TRAPPC8: variants seen among roughly 807,000 people sequenced by gnomAD.
TRAPPC8 encodes trafficking protein particle complex subunit 8.
Under a neutral mutation model 174.3 loss-of-function variants are expected in TRAPPC8, and 54 were observed. The ratio of observed to expected loss-of-function variants is 0.31; its 90% CI spans 0.25 to 0.39. TRAPPC8 has a LOEUF of 0.39. Among genes scored for constraint, TRAPPC8 ranks in the 10% least tolerant of loss-of-function variants. The pLI is 1.00. For missense variants in TRAPPC8, 1,531 were observed against 1,699.1 expected (o/e 0.90, Z 1.74); for synonymous variants, 630 against 579.9 (o/e 1.09, Z -1.24).
chr18:31,902,832 G>A lies in TRAPPC8; in HGVS notation c.1390-1807C>T, dbSNP rs149787785. Among the ~76,000 whole-genome samples, 447 of 152,052 alleles carry A rather than the reference G, an allele frequency of 2.9e-3. 2 individuals carry two copies. The highest frequency in any genetic ancestry group is 9.8e-3 in the African/African-American group (407 of 41,488). ...TGGGAGGCCGAGGCGGGCGGATCACGATGTCAGGATATCGAGACCATCCTG... is the reference window on the plus strand; with the variant it reads ...TGGGAGGCCGAGGCGGGCGGATCACAATGTCAGGATATCGAGACCATCCTG... On this transcript the variant is annotated intron_variant, in intron 9 of 28. Coordinates refer to ENST00000283351, the MANE Select transcript of TRAPPC8 (RefSeq NM_014939.5).
In TRAPPC8 at chr18:31,907,621, A is replaced by G. The variant is rs754771463; in HGVS notation, c.1239-11T>C. The G allele has an allele frequency of 3.2e-6, 5 of 1,581,022 alleles. No homozygotes were observed. The African/African-American group carries it at 4.1e-5, about 13-fold the overall frequency. On this transcript the variant is annotated splice_polypyrimidine_tract_variant and intron_variant, in intron 8 of 28. Transcript: ENST00000283351. ...GCTTCCGGCGGATACCTGTAAATAC[A>G]AAAGAAAATAATTTATAATTTATTA...
intron 27 of TRAPPC8, among the ~76,000 whole-genome samples, chr18:31,834,772 ATTCT>A (rs575467623): frequency 6.6e-6 from 1 of 152,046 alleles, no homozygotes; most frequent in Non-Finnish European, 1.5e-5. Context: ...CCTGTCACCT[ATTCT>A]TTCTTCTATT....
At chr18:31,886,347 A>G (rs901918774) in intron 12 of TRAPPC8, among the ~76,000 whole-genome samples, 2 of 77,980 alleles carry the variant, frequency 2.6e-5, no homozygotes, top group Non-Finnish European at 5.7e-5. Flanking sequence ...TTCTTGAGGA[A>G]AAAAAAAAAA....
At chr18:31,880,081 G>GGAAAAA (rs1491132140) in intron 12 of TRAPPC8, among the ~76,000 whole-genome samples, 4 of 52,728 alleles carry the variant, frequency 7.6e-5, no homozygotes, top group African/African-American at 2.8e-4. Flanking sequence ...TGAAACTATT[G>GGAAAAA]AAAAAAAAAA....
At chr18:31,892,018 T>C (rs930809139) in intron 11 of TRAPPC8, among the ~76,000 whole-genome samples, 1 of 152,212 alleles carries the variant, frequency 6.6e-6, no homozygotes, top group South Asian at 2.1e-4. Context: ...GTCAGAAATA[T>C]GTAATTAATG....
intron 19 of TRAPPC8, among the ~76,000 whole-genome samples, chr18:31,861,276 C>A (rs2034307318): frequency 6.6e-6 from 1 of 152,122 alleles, no homozygotes; most frequent in Non-Finnish European, 1.5e-5. Context: ...GAATAAGAGG[C>A]CCTCTGCTCT....
chr18:31,849,491 AAT>A, intron 25 of TRAPPC8, 73 bp downstream of exon 25: 1 of 1,204,978 alleles, frequency 8.3e-7, no homozygotes, highest in East Asian at 2.7e-5. Context: ...TATAAATAGT[AAT>A]ATACGTTTGT....
intron 19 of TRAPPC8, among the ~76,000 whole-genome samples, chr18:31,858,188 T>C (rs1423297618): frequency 6.6e-6 from 1 of 152,142 alleles, no homozygotes; most frequent in Non-Finnish European, 1.5e-5. Flanking sequence ...TGCCACTCAG[T>C]AGTGATTCTA....
At chr18:31,867,607 T>C (rs1471199314) in intron 16 of TRAPPC8, 131 bp from the exon 17 acceptor site, 32 of 555,800 alleles carry the variant, frequency 5.8e-5, no homozygotes, top group South Asian at 3.0e-4. Flanking sequence ...TACCACATGC[T>C]GAGCTCTACA....
At chr18:31,861,772 C>CA (rs1249337894) in intron 19 of TRAPPC8, among the ~76,000 whole-genome samples, 4 of 151,464 alleles carry the variant, frequency 2.6e-5, no homozygotes, top group Non-Finnish European at 5.9e-5. Context: ...CCAGTCCCTA[C>CA]AAAAAAACAC....
At chr18:31,871,588 T>A (rs1045015543) in intron 14 of TRAPPC8, among the ~76,000 whole-genome samples, 1 of 152,154 alleles carries the variant, frequency 6.6e-6, no homozygotes, top group Admixed American at 6.5e-5. Flanking sequence ...TATTCCAAAG[T>A]TAAAGTGTAT....
At chr18:31,923,419 G>A (rs1438492007) in intron 2 of TRAPPC8, among the ~76,000 whole-genome samples, 1 of 152,152 alleles carries the variant, frequency 6.6e-6, no homozygotes, top group African/African-American at 2.4e-5. Flanking sequence ...CCAAGGAATA[G>A]CAGCTTTAAA....
At chr18:31,872,701 G>C (rs993418317) in intron 14 of TRAPPC8, among the ~76,000 whole-genome samples, 1 of 152,010 alleles carries the variant, frequency 6.6e-6, no homozygotes, top group Non-Finnish European at 1.5e-5. Flanking sequence ...TTACAGGTGT[G>C]AGCCACCACA....
At chr18:31,938,205 A>G (rs1172509119) in intron 1 of TRAPPC8, among the ~76,000 whole-genome samples, 1 of 134,488 alleles carries the variant, frequency 7.4e-6, no homozygotes, top group Non-Finnish European at 1.7e-5. Context: ...TGCTTGATTA[A>G]TTAATATTAA....
At chr18:31,920,345 A>G (rs1239601798) in intron 2 of TRAPPC8, among the ~76,000 whole-genome samples, 1 of 152,230 alleles carries the variant, frequency 6.6e-6, no homozygotes, top group Non-Finnish European at 1.5e-5. Context: ...ACTAGAAAAC[A>G]CAACGCGCTC....
At chr18:31,854,775 T>C (rs1424467534) in intron 21 of TRAPPC8, among the ~76,000 whole-genome samples, 1 of 151,784 alleles carries the variant, frequency 6.6e-6, no homozygotes, top group Non-Finnish European at 1.5e-5. Flanking sequence ...GAGACCATCC[T>C]GGCTAACATG....
At chr18:31,901,711 T>G (rs2036435291) in intron 9 of TRAPPC8, among the ~76,000 whole-genome samples, 1 of 152,208 alleles carries the variant, frequency 6.6e-6, no homozygotes, top group East Asian at 1.9e-4. Context: ...GACTGCCTCC[T>G]AAGATTTGTT....
At chr18:31,866,664 C>T (rs2034601028) in intron 18 of TRAPPC8, among the ~76,000 whole-genome samples, 185 bp downstream of exon 18, 1 of 152,132 alleles carries the variant, frequency 6.6e-6, no homozygotes, top group African/African-American at 2.4e-5. Flanking sequence ...AAGTTGTTTA[C>T]TTTTGACGCT....
In TRAPPC8 at chr18:31,917,616, G is replaced by T; in HGVS notation, c.404C>A (p.Pro135Gln). Residue 135 changes from proline (P) to glutamine (Q), a missense_variant, in exon 3 of 29, where the codon CCA (proline) becomes CAA (glutamine). Pro to Gln is a moderately conservative substitution (Grantham distance 76). Coordinates refer to ENST00000283351, the MANE Select transcript of TRAPPC8 (RefSeq NM_014939.5). ...GTTCAGAAATTCATGATCCAATGCT[G>T]GCATCGACTGAAGAAAGGTTTCTCT... ...SYRETFLQSM[P>Q]ALDHEFLNHY... The T allele has an allele frequency of 6.2e-7, 1 of 1,613,394 alleles. No individual in the cohort carries two copies. The highest frequency in any genetic ancestry group is 1.7e-5 in the Admixed American group (1 of 59,892).
Sources: allele counts gnomAD v4.1 joint callset (sites outside exome capture counted in the v4.1 genomes callset), GRCh38; gene constraint gnomAD v4.1.1; transcripts MANE v1.5; gene names NCBI Gene and HGNC (gene_info 2026-07-23, HGNC 2026-07-21).